EPM2A: variants seen among roughly 807,000 people sequenced by gnomAD.
The protein encoded by EPM2A is EPM2A glucan phosphatase, laforin.
In EPM2A, 21 loss-of-function variants were observed where a neutral mutation model predicts 26.5. That is an observed-to-expected ratio of 0.79 (90% CI 0.56 to 1.14). The LOEUF is 1.14. Ranked by LOEUF, EPM2A falls within the 50% of genes most tolerant of loss-of-function variation. The pLI, the probability that EPM2A is intolerant of heterozygous loss-of-function variation, is 0.00. For missense variants in EPM2A, 458 were observed against 440.8 expected, an observed-to-expected ratio of 1.04 and a Z score of -0.35; for synonymous variants, 217 against 177.6, an observed-to-expected ratio of 1.22 and a Z score of -1.76.
intron 2 of EPM2A, among the ~76,000 whole-genome samples, chr6:145,666,827 T>C (rs62438257): frequency 0.55 from 82,149 of 149,494 alleles, 23,196 homozygotes; most frequent in East Asian, 0.74. Context: ...TATAGATCAA[T>C]GGAACAGAAA....
intron 4 of EPM2A, among the ~76,000 whole-genome samples, chr6:145,456,104 A>C (rs1285572160): frequency 1.3e-5 from 2 of 152,194 alleles, no homozygotes; most frequent in Middle Eastern, 6.3e-3. Flanking sequence ...GTGAAGAAGA[A>C]GGGGGATGCA....
At chr6:145,499,211 C>T (rs751459733), downstream of EPM2A, among the ~76,000 whole-genome samples, 6 of 152,232 alleles carry the variant, frequency 3.9e-5, no homozygotes, top group Non-Finnish European at 8.8e-5. Flanking sequence ...CATGGCTTTT[C>T]ACAACCTGAC....
chr6:145,493,441 A>C (rs929871576), intron 4 of EPM2A, among the ~76,000 whole-genome samples: 1 of 152,164 alleles, frequency 6.6e-6, no homozygotes, highest in Non-Finnish European at 1.5e-5. Flanking sequence ...AAACAGAGAT[A>C]GTTTGACTTC....
At position 145,651,740 on chromosome 6, in the gene EPM2A, T is replaced by A. The variant is rs368450367; in HGVS notation, c.477-16254A>T. ...AGCAGTGATTAACAGTACTAAGATA[T>A]ACAGATATCCAGCCCTAGAGACCAA... On this transcript the variant is annotated intron_variant, in intron 2 of 3. Transcript: ENST00000367519. Among the ~76,000 whole-genome samples, 48 of 152,276 alleles carry A rather than the reference T, an allele frequency of 3.2e-4. 1 individual carries two copies. The East Asian group carries it at 8.5e-3, about 27-fold the overall frequency.
At chr6:145,484,018 A>G (rs1417160154) in intron 4 of EPM2A, among the ~76,000 whole-genome samples, 1 of 152,184 alleles carries the variant, frequency 6.6e-6, no homozygotes, top group East Asian at 1.9e-4. Context: ...GCAAAAATTT[A>G]AAAAGATATG....
chr6:145,396,367 A>G (rs1490760649), intron 4 of EPM2A, among the ~76,000 whole-genome samples: 1 of 152,192 alleles, frequency 6.6e-6, no homozygotes, highest in Non-Finnish European at 1.5e-5. Flanking sequence ...CAGAGGCTGA[A>G]AGGAGGAATT....
At chr6:145,587,403 A>G (rs978947592) in intron 2 of EPM2A, among the ~76,000 whole-genome samples, 7 of 152,216 alleles carry the variant, frequency 4.6e-5, no homozygotes, top group African/African-American at 1.4e-4. Context: ...AGGAAGAGGA[A>G]GAGTGATTGC....
chr6:145,473,481 G>C (rs977924421), intron 4 of EPM2A, among the ~76,000 whole-genome samples: 2 of 152,044 alleles, frequency 1.3e-5, no homozygotes, highest in Non-Finnish European at 2.9e-5. Context: ...GAAAAAGATA[G>C]AGGTAGAAAG....
At chr6:145,671,319 GA>G (rs1158963312) in intron 2 of EPM2A, 13 of 1,022,986 alleles carry the variant, frequency 1.3e-5, no homozygotes, top group Non-Finnish European at 1.5e-5. Flanking sequence ...CTCTTGAGTT[GA>G]ATGTACGTCT....
intron 1 of EPM2A, among the ~76,000 whole-genome samples, chr6:145,693,497 T>A (rs1393181614): frequency 6.6e-6 from 1 of 151,392 alleles, no homozygotes; most frequent in South Asian, 2.1e-4. Flanking sequence ...ACATACAGAG[T>A]GAAATAATAG....
intron 4 of EPM2A, among the ~76,000 whole-genome samples, chr6:145,448,031 T>C (rs373918698): frequency 7.2e-5 from 11 of 152,148 alleles, no homozygotes; most frequent in African/African-American, 2.7e-4. Flanking sequence ...ATACTTACTA[T>C]GTTTTCCGTG....
intron 2 of EPM2A, among the ~76,000 whole-genome samples, chr6:145,593,671 C>A (rs1246503328): frequency 6.6e-6 from 1 of 151,794 alleles, no homozygotes; most frequent in Admixed American, 6.6e-5. Flanking sequence ...CAACTCACTG[C>A]TAAATAACAT....
At chr6:145,491,073 A>G in intron 4 of EPM2A, 1 of 744,104 alleles carries the variant, frequency 1.3e-6, no homozygotes, top group South Asian at 1.3e-5. Flanking sequence ...TTCTGTGATA[A>G]CATTTGAAGT....
chr6:145,585,342 G>A (rs567571375), intron 2 of EPM2A, among the ~76,000 whole-genome samples: 2 of 152,142 alleles, frequency 1.3e-5, no homozygotes, highest in East Asian at 1.9e-4. Context: ...ACTCTCCTAA[G>A]GGACAGAAAT....
At chr6:145,474,317 C>A (rs145150743) in intron 4 of EPM2A, among the ~76,000 whole-genome samples, 379 of 151,968 alleles carry the variant, frequency 2.5e-3, no homozygotes, top group Non-Finnish European at 4.4e-3. Context: ...CAAAAATTAG[C>A]CAGGCATGGT....
At chr6:145,734,862 C>A in intron 1 of EPM2A, 1 of 165,062 alleles carries the variant, frequency 6.1e-6, no homozygotes, top group Non-Finnish European at 1.3e-5. Context: ...ACGAAGGGCA[C>A]TGGCCCGTGA....
chr6:145,505,368 A>G (rs561375212), intron 2 of EPM2A, among the ~76,000 whole-genome samples: 68 of 151,938 alleles, frequency 4.5e-4, no homozygotes, highest in South Asian at 2.5e-3. Flanking sequence ...TATGTGCTTT[A>G]TTTTTCTCTC....
At chr6:145,721,737 G>T (rs1038085867) in intron 1 of EPM2A, 2 of 152,072 alleles carry the variant, frequency 1.3e-5, no homozygotes, top group African/African-American at 4.8e-5. Context: ...AAACACATGA[G>T]CATTATTTTT....
chr6:145,496,728 A>ATGTTTTTTTTTTTTTTTTTTTT (rs779194973), downstream of EPM2A, among the ~76,000 whole-genome samples: 45 of 106,896 alleles, frequency 4.2e-4, 14 homozygotes, highest in Non-Finnish European at 5.5e-4. Context: ...AGTTCCTGCA[A>ATGTTTTTTTTTTTTTTTTTTTT]TTTTTTTTTT....
Sources: allele counts gnomAD v4.1 joint callset (sites outside exome capture counted in the v4.1 genomes callset), GRCh38; gene constraint gnomAD v4.1.1; transcripts MANE v1.5; gene names NCBI Gene and HGNC (gene_info 2026-07-23, HGNC 2026-07-21).